Variants in INO80 observed in about 807,000 individuals in gnomAD.
INO80 encodes the protein INO80 complex ATPase subunit.
Under a neutral mutation model 203.4 loss-of-function variants are expected in INO80, and 20 were observed. That is an observed-to-expected ratio of 0.10 (90% CI 0.07 to 0.14). The LOEUF is 0.14. INO80 is among the 10% of genes least tolerant of loss of function. INO80 has a pLI of 1.00. For missense variants in INO80, 1,419 were observed against 1,914.4 expected, an observed-to-expected ratio of 0.74 and a Z score of 4.83; for synonymous variants, 726 against 685.2, an observed-to-expected ratio of 1.06 and a Z score of -0.93.
chr15:41,073,890 C>T (rs532366992), intron 10 of INO80, among the ~76,000 whole-genome samples: 97 of 152,270 alleles, frequency 6.4e-4, no homozygotes, highest in Admixed American at 1.1e-3. Flanking sequence ...AAAGCAGTTA[C>T]AATCTCTACT....
At chr15:41,031,579 A>G (rs1250090213) in intron 24 of INO80, among the ~76,000 whole-genome samples, 13 of 2,838 alleles carry the variant, frequency 4.6e-3, no homozygotes, top group African/African-American at 8.5e-3. Context: ...GGAAGGGAGG[A>G]AGGGAGGAAG....
intron 11 of INO80, among the ~76,000 whole-genome samples, chr15:41,072,548 G>A (rs571494798): frequency 5.4e-5 from 8 of 148,576 alleles, no homozygotes; most frequent in East Asian, 2.0e-4. Flanking sequence ...GTGAAACCCC[G>A]TCTCTACTAA....
Position 40,980,172 on chromosome 15 carries a change from G to T in INO80, c.*51C>A. ...CAAGCCATCCAAAGACCACTGGCAG[G>T]TCAGGACTCTAGCCCTGGTTTGGTT... On this transcript the variant is annotated 3_prime_UTR_variant, in exon 36 of 36. Transcript: ENST00000648947. 1 of 1,456,494 alleles carries T rather than the reference G, an allele frequency of 6.9e-7. No individual in the cohort carries two copies. The highest frequency in any genetic ancestry group is 9.6e-7 in the Non-Finnish European group (1 of 1,038,466). 90.2% of individuals were successfully genotyped at this position (1,456,494 alleles called of 1,614,324 possible).
intron 25 of INO80, among the ~76,000 whole-genome samples, chr15:41,026,349 T>C (rs1001759403): frequency 6.6e-6 from 1 of 151,922 alleles, no homozygotes; most frequent in Non-Finnish European, 1.5e-5. Context: ...ACTCAGGAGT[T>C]GGAGAATAGC....
intron 10 of INO80, 41 bp downstream of exon 10, chr15:41,074,329 A>G (rs770723742): frequency 7.0e-7 from 1 of 1,438,778 alleles, no homozygotes; most frequent in South Asian, 1.4e-5. Context: ...GATATAAAAA[A>G]TAAGAGGTAG....
At chr15:41,087,524 A>G (rs776560743) in intron 6 of INO80, 38 bp downstream of exon 6, 31 of 1,608,312 alleles carry the variant, frequency 1.9e-5, no homozygotes, top group Non-Finnish European at 2.5e-5. Flanking sequence ...TCTGAAACTA[A>G]GAATGAATAT....
chr15:41,065,954 A>G (rs1024207211), intron 14 of INO80, among the ~76,000 whole-genome samples: 9 of 152,002 alleles, frequency 5.9e-5, no homozygotes, highest in African/African-American at 2.2e-4. Context: ...TGGTTACACA[A>G]GATTGTGAAT....
intron 4 of INO80, 135 bp from the exon 5 acceptor site, chr15:41,092,317 C>T (rs896149420): frequency 3.6e-6 from 2 of 558,846 alleles, no homozygotes; most frequent in Non-Finnish European, 5.9e-6. Flanking sequence ...TTATGACATG[C>T]TTTATAAATT....
intron 1 of INO80, 44 bp from the exon 2 acceptor site, chr15:41,096,397 T>G: frequency 1.5e-6 from 2 of 1,334,788 alleles, no homozygotes; most frequent in Non-Finnish European, 2.0e-6. Flanking sequence ...TTACTATCCA[T>G]TCTCCCTTTC....
At chr15:41,047,211 C>T (rs752535133) in intron 23 of INO80, among the ~76,000 whole-genome samples, 197 bp downstream of exon 23, 14 of 151,948 alleles carry the variant, frequency 9.2e-5, no homozygotes, top group Non-Finnish European at 1.5e-4. Context: ...GTGATCCACC[C>T]GCCTCGGCCT....
intron 32 of INO80, among the ~76,000 whole-genome samples, chr15:40,984,627 C>CA (rs1893952931): frequency 9.8e-6 from 1 of 102,274 alleles, no homozygotes; most frequent in Non-Finnish European, 2.2e-5. Flanking sequence ...GACCCCAGCT[C>CA]AAAAGAAAAA....
At chr15:41,115,301 C>G (rs2046015243) in intron 1 of INO80, among the ~76,000 whole-genome samples, 1 of 152,156 alleles carries the variant, frequency 6.6e-6, no homozygotes, top group Non-Finnish European at 1.5e-5. Flanking sequence ...GGCTTCTAGC[C>G]TCGGAGATTA....
At chr15:41,111,656 A>G (rs1260822123) in intron 1 of INO80, among the ~76,000 whole-genome samples, 1 of 151,404 alleles carries the variant, frequency 6.6e-6, no homozygotes, top group Non-Finnish European at 1.5e-5. Flanking sequence ...TACAAAAATT[A>G]GCCGGGCGTG....
intron 14 of INO80, among the ~76,000 whole-genome samples, chr15:41,066,127 T>G (rs796408703): frequency 2.8e-4 from 42 of 151,510 alleles, no homozygotes; most frequent in African/African-American, 1.0e-3. Context: ...TACAGGCATG[T>G]GCCACCATGC....
At chr15:41,039,308 T>C (rs1025591235) in intron 24 of INO80, among the ~76,000 whole-genome samples, 2 of 152,228 alleles carry the variant, frequency 1.3e-5, no homozygotes, top group Admixed American at 6.5e-5. Context: ...ACTATTTCTA[T>C]AAAGTGATCT....
At position 41,098,726 on chromosome 15, in the gene INO80, A is replaced by G. The variant is rs1245926580; in HGVS notation, c.-43-2373T>C. On this transcript the variant is annotated intron_variant, in intron 1 of 35. Coordinates refer to ENST00000648947, the MANE Select transcript of INO80 (RefSeq NM_017553.3). ...TACTTGCAAATCATCTATCTGATAA[A>G]GGTCTTGTATCCACATATACAACTT... 7.9e-5 allele frequency among the ~76,000 whole-genome samples: 12 copies of G among 152,240 alleles called. No individual in the cohort carries two copies. The East Asian group carries it at 2.3e-3, about 29-fold the overall frequency.
intron 14 of INO80, among the ~76,000 whole-genome samples, chr15:41,062,275 A>C (rs2045125701): frequency 1.3e-5 from 2 of 152,134 alleles, no homozygotes; most frequent in Non-Finnish European, 2.9e-5. Context: ...TTTTAAGTCA[A>C]GAAGGCAAGT....
intron 28 of INO80, among the ~76,000 whole-genome samples, chr15:41,000,701 T>G (rs1426822263): frequency 9.7e-6 from 1 of 103,498 alleles, no homozygotes; most frequent in Non-Finnish European, 1.8e-5. Flanking sequence ...AGTGGCACCC[T>G]GTCTCAAAAA....
At chr15:41,035,463 T>C (rs2044555452) in intron 24 of INO80, among the ~76,000 whole-genome samples, 1 of 149,954 alleles carries the variant, frequency 6.7e-6, no homozygotes, top group Non-Finnish European at 1.5e-5. Context: ...AAGGTGGAGG[T>C]TGTAGTGAGC....
Sources: allele counts gnomAD v4.1 joint callset (sites outside exome capture counted in the v4.1 genomes callset), GRCh38; gene constraint gnomAD v4.1.1; transcripts MANE v1.5; gene names NCBI Gene and HGNC (gene_info 2026-07-23, HGNC 2026-07-21).